PCCA: variants seen among roughly 807,000 people sequenced by gnomAD.
The protein encoded by PCCA is propionyl-CoA carboxylase subunit alpha.
A neutral mutation model predicts 101.3 loss-of-function variants in PCCA; 74 were observed. The ratio of observed to expected loss-of-function variants is 0.73; its 90% CI spans 0.61 to 0.89. The LOEUF (loss-of-function observed/expected upper bound fraction) is 0.89, where lower values mean the gene tolerates loss of function less well. Among genes scored for constraint, PCCA ranks in the 40% least tolerant of loss-of-function variants. The pLI is 0.00. For synonymous variants in PCCA, 294 were observed against 313.6 expected, an observed-to-expected ratio of 0.94 and a Z score of 0.66; for missense variants, 891 against 907.0, an observed-to-expected ratio of 0.98 and a Z score of 0.23.
At chr13:100,336,291 C>G (rs1292458737) in intron 17 of PCCA, among the ~76,000 whole-genome samples, 1 of 152,086 alleles carries the variant, frequency 6.6e-6, no homozygotes, top group East Asian at 1.9e-4. Flanking sequence ...AACACACACC[C>G]AAAAAACAGA....
intron 13 of PCCA, 130 bp from the exon 14 acceptor site, chr13:100,302,794 A>G (rs2066164465): frequency 4.2e-6 from 3 of 714,862 alleles, no homozygotes; most frequent in Non-Finnish European, 7.8e-6. Flanking sequence ...AATATTCTGA[A>G]ATCTGTGATT....
At chr13:100,159,683 C>T (rs9518012) in intron 6 of PCCA, among the ~76,000 whole-genome samples, 46,993 of 152,048 alleles carry the variant, frequency 0.31, 8,211 homozygotes, top group East Asian at 0.72. Flanking sequence ...TTCTTTCACA[C>T]GAGTTTTCTT....
intron 6 of PCCA, among the ~76,000 whole-genome samples, chr13:100,190,397 G>A (rs2057654311): frequency 6.6e-6 from 1 of 152,172 alleles, no homozygotes; most frequent in Admixed American, 6.5e-5. Flanking sequence ...AAACCAAAAA[G>A]CGTGGCTGGG....
chr13:100,446,223 A>C (rs1476125656), intron 20 of PCCA, among the ~76,000 whole-genome samples: 5 of 151,910 alleles, frequency 3.3e-5, no homozygotes, highest in Non-Finnish European at 7.4e-5. Context: ...TTTTTAGTAG[A>C]GCCACCGTGT....
intron 4 of PCCA, among the ~76,000 whole-genome samples, chr13:100,116,093 T>G (rs2048770552): frequency 1.3e-5 from 2 of 152,308 alleles, no homozygotes; most frequent in Middle Eastern, 3.4e-3. Flanking sequence ...ACAGCATCTT[T>G]TGCATCCTCA....
At chr13:100,162,620 C>A (rs1389787918) in intron 6 of PCCA, among the ~76,000 whole-genome samples, 6 of 151,170 alleles carry the variant, frequency 4.0e-5, no homozygotes, top group African/African-American at 1.2e-4. Context: ...AGAGTTGTTT[C>A]TTTTGTTTTT....
intron 12 of PCCA, among the ~76,000 whole-genome samples, chr13:100,288,199 C>T (rs2064839642): frequency 6.6e-6 from 1 of 152,172 alleles, no homozygotes; most frequent in African/African-American, 2.4e-5. Flanking sequence ...ATATGCCCCT[C>T]CCTCATGCCA....
At chr13:100,114,552 C>T (rs761447223) in intron 4 of PCCA, among the ~76,000 whole-genome samples, 2 of 152,118 alleles carry the variant, frequency 1.3e-5, no homozygotes, top group Admixed American at 6.5e-5. Flanking sequence ...GAGCCAAGAT[C>T]GTGCCACTGC....
chr13:100,279,240 C>T (rs1595084070), intron 12 of PCCA, among the ~76,000 whole-genome samples: 1 of 152,078 alleles, frequency 6.6e-6, no homozygotes, highest in East Asian at 1.9e-4. Flanking sequence ...CATTTGTCTC[C>T]CATGTAGTGT....
chr13:100,443,710 G>A (rs918317089), intron 20 of PCCA, among the ~76,000 whole-genome samples: 2 of 151,612 alleles, frequency 1.3e-5, no homozygotes, highest in Non-Finnish European at 2.9e-5. Context: ...AGAGTTGCAG[G>A]TAGCCAAATT....
chr13:100,190,847 C>T (rs1566670884), intron 6 of PCCA, among the ~76,000 whole-genome samples: 1 of 152,056 alleles, frequency 6.6e-6, no homozygotes, highest in East Asian at 1.9e-4. Flanking sequence ...CCTGTAATCC[C>T]AGCACTTTGG....
intron 7 of PCCA, among the ~76,000 whole-genome samples, chr13:100,212,302 A>G (rs889167497): frequency 5.9e-5 from 9 of 152,224 alleles, no homozygotes; most frequent in East Asian, 1.9e-4. Context: ...CTTTTCCACT[A>G]CAGTGGTAGA....
chr13:100,114,165 C>A (rs912679230), intron 4 of PCCA, among the ~76,000 whole-genome samples: 1 of 152,062 alleles, frequency 6.6e-6, no homozygotes, highest in African/African-American at 2.4e-5. Flanking sequence ...AATGAAGAGA[C>A]AACCCACAGA....
intron 12 of PCCA, among the ~76,000 whole-genome samples, chr13:100,280,718 T>G (rs1425439270): frequency 2.0e-5 from 3 of 152,174 alleles, no homozygotes; most frequent in Non-Finnish European, 4.4e-5. Context: ...ACACACAGGG[T>G]CTACTTCATT....
intron 7 of PCCA, among the ~76,000 whole-genome samples, chr13:100,216,729 T>G (rs561811695): frequency 1.8e-4 from 27 of 152,300 alleles, no homozygotes; most frequent in African/African-American, 5.8e-4. Context: ...TATCCACATA[T>G]GCTTCAGATA....
At chr13:100,194,439 A>T (rs1229970294) in intron 6 of PCCA, among the ~76,000 whole-genome samples, 1 of 152,166 alleles carries the variant, frequency 6.6e-6, no homozygotes, top group African/African-American at 2.4e-5. Context: ...TATTTTTGAG[A>T]CGGAGTCTCC....
intron 20 of PCCA, among the ~76,000 whole-genome samples, chr13:100,436,836 T>C (rs2079972291): frequency 6.6e-6 from 1 of 152,216 alleles, no homozygotes; most frequent in Non-Finnish European, 1.5e-5. Flanking sequence ...TTGCTGATTC[T>C]TTTTAGTTCC....
intron 22 of PCCA, among the ~76,000 whole-genome samples, chr13:100,516,062 T>G (rs2086811261): frequency 6.6e-6 from 1 of 152,242 alleles, no homozygotes; most frequent in Admixed American, 6.5e-5. Context: ...CATCACAGTT[T>G]GAAGTTTTTC....
chr13:100,133,987 C>T (rs1455450227), intron 4 of PCCA, among the ~76,000 whole-genome samples: 1 of 152,204 alleles, frequency 6.6e-6, no homozygotes, highest in Non-Finnish European at 1.5e-5. Flanking sequence ...GGCCTTCAGC[C>T]ACAGACTGAA....
Sources: allele counts gnomAD v4.1 joint callset (sites outside exome capture counted in the v4.1 genomes callset), GRCh38; gene constraint gnomAD v4.1.1; transcripts MANE v1.5; gene names NCBI Gene and HGNC (gene_info 2026-07-23, HGNC 2026-07-21).